Variants in DNAJC1 observed in about 807,000 individuals in gnomAD.
The protein encoded by DNAJC1 is dnaJ homolog subfamily C member 1.
A neutral mutation model predicts 76.6 loss-of-function variants in DNAJC1; 58 were observed. That is an observed-to-expected ratio of 0.76 (90% CI 0.61 to 0.94). The LOEUF (loss-of-function observed/expected upper bound fraction) is 0.94, where lower values mean the gene tolerates loss of function less well. Among genes scored for constraint, DNAJC1 ranks in the 40% least tolerant of loss-of-function variants. DNAJC1 has a pLI of 0.00. For missense variants in DNAJC1, 689 were observed against 677.3 expected (o/e 1.02, Z -0.19); for synonymous variants, 258 against 267.9 (o/e 0.96, Z 0.36).
chr10:21,935,067 A>C (rs1292221247), intron 1 of DNAJC1, among the ~76,000 whole-genome samples: 1 of 152,224 alleles, frequency 6.6e-6, no homozygotes, highest in Non-Finnish European at 1.5e-5. Context: ...TAAAATGTCT[A>C]ATACTCAATA....
intron 1 of DNAJC1, among the ~76,000 whole-genome samples, chr10:21,990,240 T>C (rs1255547182): frequency 6.6e-6 from 1 of 152,158 alleles, no homozygotes; most frequent in Non-Finnish European, 1.5e-5. Context: ...GAATTGTATA[T>C]AGTAACCACA....
chr10:21,840,843 C>G (rs1387459543), intron 8 of DNAJC1, among the ~76,000 whole-genome samples: 1 of 152,138 alleles, frequency 6.6e-6, no homozygotes, highest in African/African-American at 2.4e-5. Flanking sequence ...CACTACCTGA[C>G]TTCAAACTAT....
intron 1 of DNAJC1, among the ~76,000 whole-genome samples, chr10:21,973,517 T>C (rs925475018): frequency 1.3e-5 from 2 of 152,196 alleles, no homozygotes; most frequent in African/African-American, 4.8e-5. Flanking sequence ...TCTTCTCTTA[T>C]ACAACAGATG....
chr10:21,916,608 G>A (rs546198104), intron 6 of DNAJC1, among the ~76,000 whole-genome samples: 1 of 152,294 alleles, frequency 6.6e-6, no homozygotes, highest in South Asian at 2.1e-4. Context: ...AGCCTTAACA[G>A]GGCTCCTTTT....
At chr10:21,999,808 C>T (rs1465228483) in intron 1 of DNAJC1, among the ~76,000 whole-genome samples, 1 of 152,156 alleles carries the variant, frequency 6.6e-6, no homozygotes, top group Non-Finnish European at 1.5e-5. Flanking sequence ...GATCTCTTCT[C>T]TTCTCTTTTA....
chr10:21,884,981 A>T (rs1312629232), intron 7 of DNAJC1, among the ~76,000 whole-genome samples: 3 of 152,106 alleles, frequency 2.0e-5, no homozygotes, highest in Admixed American at 6.6e-5. Flanking sequence ...TAACCAGCTA[A>T]CAATACAATG....
chr10:21,809,604 CATATT>C (rs2131644347), intron 8 of DNAJC1, among the ~76,000 whole-genome samples: 1 of 151,418 alleles, frequency 6.6e-6, no homozygotes, highest in Admixed American at 6.6e-5. Flanking sequence ...TATATATACA[CATATT>C]AGATGTATAT....
intron 7 of DNAJC1, among the ~76,000 whole-genome samples, chr10:21,902,815 A>T (rs929673493): frequency 2.7e-5 from 4 of 148,534 alleles, no homozygotes; most frequent in Non-Finnish European, 4.5e-5. Context: ...AAATTATAAT[A>T]TTTTTTTTAA....
At chr10:21,953,324 C>T (rs1234526367) in intron 1 of DNAJC1, among the ~76,000 whole-genome samples, 4 of 151,746 alleles carry the variant, frequency 2.6e-5, no homozygotes, top group African/African-American at 9.7e-5. Flanking sequence ...ATATCTTTTA[C>T]TAACTTGTTA....
rs765139210 is a variant in DNAJC1 at position 21,904,618 on chromosome 10, GAA to G, written c.730-8_730-7del. 2 of 1,553,424 alleles carry G rather than the reference GAA, an allele frequency of 1.3e-6. No individual in the cohort carries two copies. The highest frequency in any genetic ancestry group is 1.9e-5 in the Admixed American group (1 of 53,758). ...GCATAAAACTGCCCAGCATCCTTAA[GAA>G]AAAAAGTTATACATAAATTAACATA... On this transcript the variant is annotated splice_polypyrimidine_tract_variant and splice_region_variant and intron_variant, in intron 6 of 11. Transcript: ENST00000376980.
chr10:21,784,650 C>G (rs946463681), intron 9 of DNAJC1, among the ~76,000 whole-genome samples: 14 of 152,160 alleles, frequency 9.2e-5, no homozygotes, highest in Admixed American at 5.2e-4. Flanking sequence ...GAAACCAACC[C>G]AAATGTCCAT....
intron 8 of DNAJC1, among the ~76,000 whole-genome samples, chr10:21,833,380 C>T (rs532381380): frequency 2.0e-5 from 3 of 151,854 alleles, no homozygotes; most frequent in Non-Finnish European, 4.4e-5. Flanking sequence ...CTGAGGCAGG[C>T]GAATCAATTG....
At chr10:21,756,843 T>C (rs892872173) in intron 11 of DNAJC1, 88 bp from the exon 12 acceptor site, 2 of 1,258,392 alleles carry the variant, frequency 1.6e-6, no homozygotes, top group Non-Finnish European at 2.3e-6. Flanking sequence ...CTTCTGCTCA[T>C]GAAGAGCCTC....
rs770110223 is a variant in DNAJC1, at chr10:21,928,539, T to C, written c.338A>G (p.Tyr113Cys). Residue 113 changes from tyrosine to cysteine, a missense_variant, in exon 3 of 12, where the codon TAT (tyrosine) becomes TGT (cysteine). Coordinates refer to ENST00000376980, the MANE Select transcript of DNAJC1 (RefSeq NM_022365.4). The part of the protein sequence containing the change: ...ETQFRQLVAI[Y>C]EVLKDDERRQ... ...TCGTTCATCATCCTTTAAAACTTCA[T>C]AAATGGCCACCAACTAAAATAAAAG... The C allele has an allele frequency of 6.2e-7, 1 of 1,612,910 alleles. No individual in the cohort carries two copies. The highest frequency in any genetic ancestry group is 1.7e-5 in the Admixed American group (1 of 59,994).
intron 1 of DNAJC1, among the ~76,000 whole-genome samples, chr10:21,974,012 G>C (rs1838024427): frequency 1.3e-5 from 2 of 150,078 alleles, no homozygotes; most frequent in Admixed American, 1.3e-4. Flanking sequence ...TGAGGCAGGA[G>C]AATCACTTGA....
intron 1 of DNAJC1, among the ~76,000 whole-genome samples, chr10:21,965,882 T>A (rs1837881020): frequency 6.6e-6 from 1 of 152,202 alleles, no homozygotes; most frequent in Non-Finnish European, 1.5e-5. Flanking sequence ...AATTCTTTCT[T>A]GCACAAGATC....
intron 1 of DNAJC1, among the ~76,000 whole-genome samples, chr10:22,002,925 C>T (rs1320888528): frequency 1.3e-5 from 2 of 152,002 alleles, no homozygotes; most frequent in East Asian, 3.9e-4. Flanking sequence ...AGGGGGAAGG[C>T]TCTTCCCCAG....
intron 7 of DNAJC1, among the ~76,000 whole-genome samples, chr10:21,893,444 A>G (rs978142368): frequency 2.6e-5 from 4 of 151,952 alleles, no homozygotes; most frequent in Non-Finnish European, 4.4e-5. Flanking sequence ...CTGGGCCAAC[A>G]TGGTAAAACC....
chr10:21,881,962 G>C (rs1282621982), intron 8 of DNAJC1, among the ~76,000 whole-genome samples: 2 of 151,602 alleles, frequency 1.3e-5, no homozygotes, highest in Admixed American at 1.3e-4. Context: ...AAACCATCCT[G>C]GCTAACACGG....
Sources: allele counts gnomAD v4.1 joint callset (sites outside exome capture counted in the v4.1 genomes callset), GRCh38; gene constraint gnomAD v4.1.1; transcripts MANE v1.5; gene names NCBI Gene and HGNC (gene_info 2026-07-23, HGNC 2026-07-21).